ARHGAP6: variants seen among roughly 807,000 people sequenced by gnomAD.
ARHGAP6 encodes the protein rho GTPase-activating protein 6.
Under a neutral mutation model 55.7 loss-of-function variants are expected in ARHGAP6, and 16 were observed. The ratio of observed to expected loss-of-function variants is 0.29; its 90% CI spans 0.19 to 0.44. The LOEUF (loss-of-function observed/expected upper bound fraction) is 0.44. Ranked by LOEUF, ARHGAP6 falls within the 20% of genes least tolerant of loss-of-function variation. The pLI is 1.00. For synonymous variants in ARHGAP6, 382 were observed against 360.9 expected, an observed-to-expected ratio of 1.06 and a Z score of -0.66; for missense variants, 698 against 808.9, an observed-to-expected ratio of 0.86 and a Z score of 1.66.
intron 1 of ARHGAP6, among the ~76,000 whole-genome samples, chrX:11,372,391 A>G (rs750866859): frequency 8.9e-6 from 1 of 112,302 alleles, no homozygotes; most frequent in Non-Finnish European, 1.9e-5. Context: ...AGTGAATATT[A>G]ATAAAGAATG....
intron 1 of ARHGAP6, among the ~76,000 whole-genome samples, chrX:11,546,145 CAT>C (rs770511041): frequency 1.9e-4 from 20 of 107,418 alleles, no homozygotes; most frequent in South Asian, 4.0e-4. Flanking sequence ...TAAAGTAAAA[CAT>C]ATATATATAT....
At chrX:11,612,369 G>T (rs182436075) in intron 1 of ARHGAP6, among the ~76,000 whole-genome samples, 34 of 112,057 alleles carry the variant, frequency 3.0e-4, no homozygotes, top group Non-Finnish European at 4.9e-4. Flanking sequence ...TGTCATTTGG[G>T]TCAGGTATCC....
chrX:11,225,386 A>G (rs189843920), intron 2 of ARHGAP6, among the ~76,000 whole-genome samples: 29 of 111,538 alleles, frequency 2.6e-4, no homozygotes, highest in African/African-American at 9.1e-4. Flanking sequence ...AACAAATTGT[A>G]GGAAGGGTCA....
chrX:11,325,441 T>C (rs2048486639), intron 1 of ARHGAP6, among the ~76,000 whole-genome samples: 1 of 112,298 alleles, frequency 8.9e-6, no homozygotes, highest in African/African-American at 3.2e-5. Context: ...TCTGAATTGT[T>C]CATTTCTTTG....
At chrX:11,466,120 G>T in intron 1 of ARHGAP6, among the ~76,000 whole-genome samples, 1 of 111,497 alleles carries the variant, frequency 9.0e-6, no homozygotes, top group East Asian at 2.8e-4. Context: ...CACTTTTTCT[G>T]GGCCTCTTGA....
chrX:11,550,559 A>G (rs2147083036), intron 1 of ARHGAP6, among the ~76,000 whole-genome samples: 1 of 112,070 alleles, frequency 8.9e-6, no homozygotes, highest in South Asian at 3.8e-4. Flanking sequence ...TTCAATGTCA[A>G]CCAAGGCTGA....
intron 1 of ARHGAP6, among the ~76,000 whole-genome samples, chrX:11,514,094 G>A (rs2050810774): frequency 9.7e-6 from 1 of 102,913 alleles, no homozygotes. Context: ...CCCAGGAAGT[G>A]GAGGTTGCAG....
At chrX:11,298,301 T>C in intron 1 of ARHGAP6, 1 of 1,202,730 alleles carries the variant, frequency 8.3e-7, no homozygotes, top group Non-Finnish European at 1.1e-6. Flanking sequence ...TTGTTCCTTA[T>C]TCCCTGAAAA....
intron 1 of ARHGAP6, among the ~76,000 whole-genome samples, chrX:11,540,761 G>A (rs1444441697): frequency 8.9e-6 from 1 of 112,536 alleles, no homozygotes; most frequent in Non-Finnish European, 1.9e-5. Flanking sequence ...ATAAAGAAGG[G>A]ACAAAGCAAT....
intron 1 of ARHGAP6, among the ~76,000 whole-genome samples, chrX:11,549,841 G>C (rs2051248432): frequency 8.9e-6 from 1 of 112,684 alleles, no homozygotes; most frequent in Admixed American, 9.4e-5. Context: ...AGACACCCAA[G>C]TGTTGAACTT....
chrX:11,235,516 T>C (rs1328115352), intron 2 of ARHGAP6, among the ~76,000 whole-genome samples: 2 of 111,796 alleles, frequency 1.8e-5, no homozygotes, highest in Non-Finnish European at 3.8e-5. Flanking sequence ...TTGTTACTTA[T>C]GCAAATTTCT....
intron 1 of ARHGAP6, among the ~76,000 whole-genome samples, chrX:11,621,123 G>A (rs1238208085): frequency 9.0e-6 from 1 of 111,231 alleles, no homozygotes; most frequent in Non-Finnish European, 1.9e-5. Flanking sequence ...ACAAAAAGAA[G>A]CTCATACAGA....
intron 1 of ARHGAP6, among the ~76,000 whole-genome samples, chrX:11,264,870 A>G (rs190439862): frequency 1.8e-5 from 2 of 112,299 alleles, no homozygotes; most frequent in East Asian, 5.6e-4. Context: ...CAACCTAAGG[A>G]CTATGTTACC....
chrX:11,320,853 C>G (rs2048424468), intron 1 of ARHGAP6, among the ~76,000 whole-genome samples: 1 of 108,772 alleles, frequency 9.2e-6, no homozygotes, highest in South Asian at 4.1e-4. Flanking sequence ...AACGCAAACA[C>G]ATATATGTGT....
Position 11,427,818 on chromosome X carries a change from G to A in ARHGAP6, c.589-173111C>T, listed in dbSNP as rs1603202188. On this transcript the variant is annotated intron_variant, in intron 1 of 12. Coordinates refer to ENST00000337414, the MANE Select transcript of ARHGAP6 (RefSeq NM_013427.3). The stretch of plus-strand genomic sequence containing the variant: ...GCGGCGCGAAGGGGGAGGGGGAAGA[G>A]GAGGAGGAGGAGGAGGAGGAGGAGG... 3 of 212,456 alleles carry A rather than the reference G, an allele frequency of 1.4e-5. No homozygotes were observed. In the South Asian group the frequency reaches 8.8e-4, roughly 62 times the overall value. 17.5% of individuals were successfully genotyped at this position (212,456 alleles called of 1,213,427 possible). A position where few individuals can be genotyped will look rare whatever the true frequency, so the allele number is the denominator to read the frequency against.
intron 2 of ARHGAP6, among the ~76,000 whole-genome samples, chrX:11,205,052 A>C (rs2046685397): frequency 9.0e-6 from 1 of 111,491 alleles, no homozygotes; most frequent in Admixed American, 9.5e-5. Context: ...GTAGATGCTC[A>C]AGAAGTTAGT....
chrX:11,312,057 C>CAACAG (rs2048308224), intron 1 of ARHGAP6, among the ~76,000 whole-genome samples: 1 of 111,773 alleles, frequency 8.9e-6, no homozygotes, highest in South Asian at 3.7e-4. Context: ...ATTGGAAAAA[C>CAACAG]TGTTTAAATG....
intron 1 of ARHGAP6, among the ~76,000 whole-genome samples, chrX:11,403,952 T>C (rs188293873): frequency 4.6e-4 from 52 of 112,277 alleles, no homozygotes; most frequent in Non-Finnish European, 9.2e-4. Flanking sequence ...ATGTTGAATA[T>C]CCTGTAATGT....
intron 1 of ARHGAP6, among the ~76,000 whole-genome samples, chrX:11,642,797 G>A (rs916682987): frequency 2.7e-5 from 3 of 111,403 alleles, no homozygotes; most frequent in African/African-American, 9.8e-5. Flanking sequence ...AGGAACAGTG[G>A]AGAATGACTG....
Sources: allele counts gnomAD v4.1 joint callset (sites outside exome capture counted in the v4.1 genomes callset), GRCh38; gene constraint gnomAD v4.1.1; transcripts MANE v1.5; gene names NCBI Gene and HGNC (gene_info 2026-07-23, HGNC 2026-07-21).